KAZN: variants seen among roughly 807,000 people sequenced by gnomAD.
KAZN encodes kazrin, periplakin interacting protein.
In KAZN, 40 loss-of-function variants were observed where a neutral mutation model predicts 87.4. The observed-to-expected ratio is 0.46, with a 90% CI of 0.36 to 0.60. The LOEUF (loss-of-function observed/expected upper bound fraction) is 0.60. KAZN is among the 20% of genes least tolerant of loss of function. The pLI is 0.00. For synonymous variants in KAZN, 466 were observed against 458.3 expected (o/e 1.02, Z -0.22); for missense variants, 898 against 1,073.9 (o/e 0.84, Z 2.29).
chr1:14,888,155 G>A (rs1654299603), intron 1 of KAZN, among the ~76,000 whole-genome samples: 2 of 152,164 alleles, frequency 1.3e-5, no homozygotes, highest in Admixed American at 6.5e-5. Flanking sequence ...CAGCTCTATT[G>A]TGAAGTCCAC....
intron 1 of KAZN, among the ~76,000 whole-genome samples, chr1:14,030,329 A>G: frequency 6.6e-6 from 1 of 151,286 alleles, no homozygotes; most frequent in African/African-American, 2.4e-5. Flanking sequence ...CTATCGCAAG[A>G]ACAAAAAACC....
intron 1 of KAZN, among the ~76,000 whole-genome samples, chr1:14,898,266 A>C (rs114572041): frequency 0.018 from 2,684 of 152,318 alleles, 69 homozygotes; most frequent in African/African-American, 0.06. Flanking sequence ...TACCATAATA[A>C]GTGCCACAGA....
At chr1:14,631,906 C>G (rs193085486) in intron 1 of KAZN, among the ~76,000 whole-genome samples, 27 of 152,308 alleles carry the variant, frequency 1.8e-4, no homozygotes, top group African/African-American at 5.8e-4. Context: ...CTTAATATCA[C>G]ACAACAAATT....
At chr1:14,858,563 G>A (rs182654555) in intron 1 of KAZN, among the ~76,000 whole-genome samples, 124 of 152,230 alleles carry the variant, frequency 8.1e-4, no homozygotes, top group African/African-American at 2.9e-3. Flanking sequence ...CGTTTGGGTC[G>A]TTTCCACCTT....
chr1:13,981,044 T>C (rs573123501), intron 1 of KAZN, among the ~76,000 whole-genome samples: 1 of 119,196 alleles, frequency 8.4e-6, no homozygotes, highest in Admixed American at 1.0e-4. Context: ...CATTATCCCT[T>C]AAGGGGCAAA....
intron 1 of KAZN, among the ~76,000 whole-genome samples, chr1:13,938,243 G>C (rs1255775183): frequency 6.6e-6 from 1 of 152,082 alleles, no homozygotes; most frequent in Non-Finnish European, 1.5e-5. Context: ...AGATCGTTCA[G>C]CTCCTTGGTT....
At chr1:14,940,898 C>CT (rs66777443) in intron 1 of KAZN, among the ~76,000 whole-genome samples, 1,680 of 54,372 alleles carry the variant, frequency 0.031, 200 homozygotes, top group African/African-American at 0.049. Flanking sequence ...TTCTACCTTT[C>CT]TTTTTTTTTT....
At chr1:14,757,682 A>G (rs1475445883) in intron 1 of KAZN, among the ~76,000 whole-genome samples, 1 of 152,166 alleles carries the variant, frequency 6.6e-6, no homozygotes, top group Non-Finnish European at 1.5e-5. Context: ...TAAAATCAAT[A>G]GTTTGTCGCA....
chr1:14,822,872 C>A (rs1230676429), intron 1 of KAZN, among the ~76,000 whole-genome samples: 1 of 152,200 alleles, frequency 6.6e-6, no homozygotes, highest in Non-Finnish European at 1.5e-5. Flanking sequence ...TCCCAGGCGT[C>A]TCTTTCTTAG....
chr1:14,663,941 T>A (rs1195327523), intron 1 of KAZN, among the ~76,000 whole-genome samples: 1 of 152,046 alleles, frequency 6.6e-6, no homozygotes, highest in Non-Finnish European at 1.5e-5. Context: ...AACAAACGAG[T>A]GGATCAGCAA....
chr1:15,036,810 T>A (rs1267385853), intron 3 of KAZN, among the ~76,000 whole-genome samples: 1 of 152,170 alleles, frequency 6.6e-6, no homozygotes, highest in Admixed American at 6.5e-5. Context: ...CTTCAAGGGC[T>A]TACAGGAAGA....
At chr1:14,514,501 A>ATATATTTTATATATTTT (rs1356176384) in intron 2 of KAZN, among the ~76,000 whole-genome samples, 715 of 6,820 alleles carry the variant, frequency 0.1, 233 homozygotes, top group African/African-American at 0.26. Flanking sequence ...ATATATGTAA[A>ATATATTTTATATATTTT]ATATATAATA....
At chr1:14,954,281 G>A (rs767532963) in intron 1 of KAZN, among the ~76,000 whole-genome samples, 24 of 152,246 alleles carry the variant, frequency 1.6e-4, no homozygotes, top group Non-Finnish European at 2.9e-4. Context: ...TCTACTTAGA[G>A]GCCTGAGGGC....
Position 14,528,824 on chromosome 1 carries a change from G to T in KAZN, c.250-70159G>T, listed in dbSNP as rs78157831. ...CTTCTTTTCTCCAGGCTGCACATCC[G>T]CAATTTCTTCATCCATCTCAGGCAA... On this transcript the variant is annotated intron_variant, in intron 2 of 16. Coordinates refer to the KAZN transcript ENST00000636203. Among the ~76,000 whole-genome samples the T allele has an allele frequency of 2.7e-5, 4 of 148,944 alleles. No homozygotes were observed. In the Admixed American group the frequency reaches 2.7e-4, roughly 10 times the overall value.
chr1:14,445,125 A>C (rs2148320455), intron 2 of KAZN, among the ~76,000 whole-genome samples: 1 of 151,880 alleles, frequency 6.6e-6, no homozygotes, highest in Middle Eastern at 3.4e-3. Flanking sequence ...TCCCGGGTTC[A>C]AGCTATTCTT....
At chr1:14,233,983 CAG>C (rs1240467036) in intron 2 of KAZN, among the ~76,000 whole-genome samples, 1 of 152,198 alleles carries the variant, frequency 6.6e-6, no homozygotes, top group Non-Finnish European at 1.5e-5. Flanking sequence ...TTGTGCAAGA[CAG>C]TGTGGTGATT....
intron 2 of KAZN, among the ~76,000 whole-genome samples, chr1:14,242,670 G>C (rs72644429): frequency 0.038 from 5,834 of 152,248 alleles, 170 homozygotes; most frequent in East Asian, 0.098. Context: ...CCATAGACTT[G>C]TGTCTAATGC....
At chr1:13,992,269 A>G (rs1639316091) in intron 1 of KAZN, among the ~76,000 whole-genome samples, 3 of 151,826 alleles carry the variant, frequency 2.0e-5, no homozygotes, top group Non-Finnish European at 2.9e-5. Context: ...AGATCCATAA[A>G]TGTTGCTGAA....
At chr1:14,843,031 A>G (rs1050480543) in intron 1 of KAZN, among the ~76,000 whole-genome samples, 2 of 152,162 alleles carry the variant, frequency 1.3e-5, no homozygotes, top group African/African-American at 4.8e-5. Context: ...ATGAAACTTG[A>G]GCTCTCTTTG....
Sources: allele counts gnomAD v4.1 joint callset (sites outside exome capture counted in the v4.1 genomes callset), GRCh38; gene constraint gnomAD v4.1.1; transcripts MANE v1.5; gene names NCBI Gene and HGNC (gene_info 2026-07-23, HGNC 2026-07-21).